Variants in NELL1 observed in about 807,000 individuals in gnomAD.
The protein encoded by NELL1 is neural EGFL like 1, also known as protein kinase C-binding protein NELL1.
NELL1 carries 76 observed loss-of-function variants against 107.4 expected under a neutral mutation model. The ratio of observed to expected loss-of-function variants is 0.71; its 90% CI spans 0.59 to 0.86. The LOEUF is 0.86. Among genes scored for constraint, NELL1 ranks in the 40% least tolerant of loss-of-function variants. The pLI is 0.00. For missense variants in NELL1, 1,024 were observed against 1,005.5 expected, an observed-to-expected ratio of 1.02 and a Z score of -0.25; for synonymous variants, 353 against 341.2, an observed-to-expected ratio of 1.03 and a Z score of -0.38.
At chr11:21,180,761 G>A (rs998830503) in intron 13 of NELL1, among the ~76,000 whole-genome samples, 17 of 151,478 alleles carry the variant, frequency 1.1e-4, no homozygotes, top group African/African-American at 4.2e-4. Context: ...AGGTTTAGGG[G>A]CTCTCTGGCT....
intron 14 of NELL1, among the ~76,000 whole-genome samples, chr11:21,307,291 T>C (rs12574997): frequency 0.066 from 10,049 of 152,078 alleles, 501 homozygotes; most frequent in African/African-American, 0.14. Flanking sequence ...AATAGTCCAA[T>C]AATTTAATCC....
chr11:21,227,096 C>A (rs185190107), intron 13 of NELL1, among the ~76,000 whole-genome samples: 78 of 152,242 alleles, frequency 5.1e-4, no homozygotes, highest in Middle Eastern at 3.4e-3. Context: ...CTTAAGTCTG[C>A]GTGAGCAACT....
intron 4 of NELL1, among the ~76,000 whole-genome samples, chr11:20,851,624 C>A (rs1019440401): frequency 6.6e-6 from 1 of 152,212 alleles, no homozygotes; most frequent in Non-Finnish European, 1.5e-5. Context: ...AGTGCATAAG[C>A]AACCTTTCCC....
intron 13 of NELL1, among the ~76,000 whole-genome samples, chr11:21,203,575 G>A (rs948695989): frequency 1.3e-5 from 2 of 151,982 alleles, no homozygotes; most frequent in Non-Finnish European, 2.9e-5. Flanking sequence ...CAATTTGCCA[G>A]TCTGTGTCTT....
Position 20,999,038 on chromosome 11 carries a change from C to T in NELL1, c.1300+38478C>T, listed in dbSNP as rs115863894. ...ACACATTTGGCTAAGTTCAGGTTTGCAAAAAAGACTCATAGAGTCCAAGTT... is the reference window on the plus strand; with the variant it reads ...ACACATTTGGCTAAGTTCAGGTTTGTAAAAAAGACTCATAGAGTCCAAGTT... On this transcript the variant is annotated intron_variant, in intron 12 of 19. Coordinates refer to ENST00000357134, the MANE Select transcript of NELL1 (RefSeq NM_006157.5). 6.4e-3 allele frequency among the ~76,000 whole-genome samples: 971 copies of T among 152,036 alleles called. 7 individuals are homozygous for T. Among genetic ancestry groups the T allele is most frequent in the African/African-American group, 0.022 (928 of 41,506 alleles).
chr11:20,927,163 A>C, intron 7 of NELL1, 145 bp from the exon 8 acceptor site: 1 of 685,500 alleles, frequency 1.5e-6, no homozygotes, highest in Non-Finnish European at 2.3e-6. Context: ...TAAAAAAAAC[A>C]AAAAACAGAT....
At chr11:20,829,272 G>A (rs190506109) in intron 3 of NELL1, among the ~76,000 whole-genome samples, 21 of 131,918 alleles carry the variant, frequency 1.6e-4, no homozygotes, top group East Asian at 8.9e-4. Context: ...TGTTGCCCAC[G>A]CTAGAGTGCA....
intron 13 of NELL1, among the ~76,000 whole-genome samples, chr11:21,144,636 A>G (rs1855937720): frequency 1.3e-5 from 2 of 152,132 alleles, no homozygotes; most frequent in Admixed American, 6.5e-5. Context: ...ACAAGTAGAT[A>G]TTTTTGCACT....
intron 12 of NELL1, among the ~76,000 whole-genome samples, chr11:21,067,410 G>A (rs1217751280): frequency 6.6e-6 from 1 of 152,028 alleles, no homozygotes; most frequent in African/African-American, 2.4e-5. Context: ...AATCTCACTG[G>A]CCCAGTCTGG....
intron 13 of NELL1, among the ~76,000 whole-genome samples, chr11:21,162,025 A>G (rs1302133339): frequency 1.5e-5 from 2 of 131,962 alleles, no homozygotes; most frequent in Non-Finnish European, 3.0e-5. Context: ...ATCTCAGCTC[A>G]CTTCACCCTC....
At chr11:20,819,951 C>T (rs139837405) in intron 3 of NELL1, among the ~76,000 whole-genome samples, 10 of 152,122 alleles carry the variant, frequency 6.6e-5, no homozygotes, top group Non-Finnish European at 2.9e-5. Flanking sequence ...TCCTTGAGCT[C>T]CTTTCAGGCA....
At chr11:21,192,545 T>C (rs1857069395) in intron 13 of NELL1, among the ~76,000 whole-genome samples, 1 of 151,894 alleles carries the variant, frequency 6.6e-6, no homozygotes, top group South Asian at 2.1e-4. Flanking sequence ...CTTATCACTA[T>C]TTTCATTTTC....
Position 20,717,640 on chromosome 11 carries a change from G to A in NELL1, c.184+39580G>A, listed in dbSNP as rs568279378. The stretch of plus-strand genomic sequence containing the variant: ...TTTCTGTATCTGGCTCTTACTCATC[G>A]TCTCTTTTTAACTTAAATGTTACTT... On this transcript the variant is annotated intron_variant, in intron 2 of 19. Coordinates refer to ENST00000357134, the MANE Select transcript of NELL1 (RefSeq NM_006157.5). Among the ~76,000 whole-genome samples, 13 of 152,148 alleles carry A rather than the reference G, an allele frequency of 8.5e-5. 1 individual carries two copies. The highest frequency in any genetic ancestry group is 2.9e-4 in the African/African-American group (12 of 41,526).
intron 7 of NELL1, among the ~76,000 whole-genome samples, chr11:20,924,649 A>G (rs952009939): frequency 6.6e-6 from 1 of 152,174 alleles, no homozygotes; most frequent in Admixed American, 6.5e-5. Context: ...TTGGAGTGAT[A>G]TAGACACCAG....
chr11:20,745,915 T>C (rs1354854763), intron 2 of NELL1, among the ~76,000 whole-genome samples: 1 of 152,252 alleles, frequency 6.6e-6, no homozygotes, highest in Non-Finnish European at 1.5e-5. Context: ...GTGTTCTTTC[T>C]GCTTCTCTGT....
chr11:21,313,379 TA>T (rs1375328932), intron 14 of NELL1, among the ~76,000 whole-genome samples: 1 of 152,184 alleles, frequency 6.6e-6, no homozygotes, highest in Admixed American at 6.6e-5. Context: ...TGGGATCTTT[TA>T]GGCTTGAGAA....
chr11:21,034,934 G>C (rs976914286), intron 12 of NELL1, among the ~76,000 whole-genome samples: 3 of 151,896 alleles, frequency 2.0e-5, no homozygotes, highest in Non-Finnish European at 4.4e-5. Context: ...AAATTTAAAA[G>C]ATCAATGAAT....
chr11:20,755,013 A>G (rs1383421546), intron 2 of NELL1, among the ~76,000 whole-genome samples: 2 of 152,184 alleles, frequency 1.3e-5, no homozygotes, highest in African/African-American at 4.8e-5. Flanking sequence ...TTATACAGAG[A>G]GTGGTTGAGA....
intron 2 of NELL1, among the ~76,000 whole-genome samples, chr11:20,687,406 T>G (rs1474661117): frequency 6.6e-6 from 1 of 152,080 alleles, no homozygotes; most frequent in East Asian, 1.9e-4. Context: ...CTATGTATTT[T>G]TGTTTATTGA....
Sources: gnomAD v4.1 joint callset for allele counts (sites outside exome capture counted in the v4.1 genomes callset) on GRCh38, gnomAD v4.1.1 for gene constraint, MANE v1.5 for transcripts, NCBI Gene and HGNC (gene_info 2026-07-23, HGNC 2026-07-21) for gene names.